The following FRMD4A variants were observed in gnomAD, a reference collection of about 807,000 sequenced individuals.
The protein encoded by FRMD4A is FERM domain containing 4A.
In FRMD4A, 29 loss-of-function variants were observed where a neutral mutation model predicts 129.1. That is an observed-to-expected ratio of 0.22 (90% CI 0.17 to 0.31). The LOEUF (loss-of-function observed/expected upper bound fraction) is 0.31. Ranked by LOEUF, FRMD4A falls within the 10% of genes least tolerant of loss-of-function variation. The pLI is 1.00. For synonymous variants in FRMD4A, 634 were observed against 571.6 expected (o/e 1.11, Z -1.56); for missense variants, 1,272 against 1,375.8 (o/e 0.92, Z 1.19).
chr10:13,721,652 A>G (rs2089421105), intron 12 of FRMD4A, among the ~76,000 whole-genome samples: 1 of 152,152 alleles, frequency 6.6e-6, no homozygotes, highest in South Asian at 2.1e-4. Flanking sequence ...GGGGGTCTCT[A>G]CAGAGGGCAA....
chr10:13,845,616 G>T (rs978533486), intron 3 of FRMD4A, among the ~76,000 whole-genome samples: 1 of 152,192 alleles, frequency 6.6e-6, no homozygotes, highest in Non-Finnish European at 1.5e-5. Flanking sequence ...CTACTAAGCA[G>T]TCTGGCCGAG....
intron 2 of FRMD4A, among the ~76,000 whole-genome samples, chr10:14,142,251 G>A (rs571295757): frequency 1.3e-4 from 20 of 151,984 alleles, no homozygotes; most frequent in Admixed American, 1.3e-4. Flanking sequence ...TTCAATACAT[G>A]TGCATCATTT....
chr10:13,763,077 T>C (rs2092140115), intron 6 of FRMD4A, among the ~76,000 whole-genome samples: 1 of 152,182 alleles, frequency 6.6e-6, no homozygotes, highest in Admixed American at 6.5e-5. Context: ...GACCACACCC[T>C]GAATTATTCA....
intron 11 of FRMD4A, among the ~76,000 whole-genome samples, chr10:13,739,119 G>A (rs2090837988): frequency 6.6e-6 from 1 of 152,162 alleles, no homozygotes; most frequent in Non-Finnish European, 1.5e-5. Context: ...ACTTGAAACT[G>A]GCATCACGGT....
intron 2 of FRMD4A, among the ~76,000 whole-genome samples, chr10:14,082,122 C>T (rs1835964806): frequency 6.6e-6 from 1 of 152,132 alleles, no homozygotes; most frequent in Non-Finnish European, 1.5e-5. Context: ...TGGCACGTGC[C>T]TGAACTCCCA....
chr10:13,665,945 C>A (rs537963097), intron 18 of FRMD4A, 152 bp downstream of exon 18: 34 of 632,158 alleles, frequency 5.4e-5, no homozygotes, highest in African/African-American at 4.4e-4. Context: ...TGGGATCAGG[C>A]CTTACTCGCT....
chr10:14,222,980 C>T (rs1249967755), intron 2 of FRMD4A, among the ~76,000 whole-genome samples: 1 of 152,172 alleles, frequency 6.6e-6, no homozygotes, highest in East Asian at 1.9e-4. Flanking sequence ...CCCAGCTACT[C>T]TGGAGACTGA....
chr10:14,035,429 CAA>C (rs11289297), intron 2 of FRMD4A, among the ~76,000 whole-genome samples: 6 of 127,024 alleles, frequency 4.7e-5, no homozygotes, highest in South Asian at 4.8e-4. Context: ...AACAAATAAA[CAA>C]AAAAAAAAAA....
chr10:14,154,626 A>T (rs1479778147), intron 2 of FRMD4A, among the ~76,000 whole-genome samples: 1 of 152,258 alleles, frequency 6.6e-6, no homozygotes, highest in African/African-American at 2.4e-5. Flanking sequence ...AACAACGTTC[A>T]AATTTATTGC....
chr10:13,889,938 C>T (rs775466075), intron 2 of FRMD4A, among the ~76,000 whole-genome samples: 4 of 152,298 alleles, frequency 2.6e-5, no homozygotes, highest in South Asian at 4.2e-4. Context: ...TTTAACTTCT[C>T]AGGACCAAGT....
At chr10:13,929,191 T>A (rs1374127043) in intron 2 of FRMD4A, among the ~76,000 whole-genome samples, 3 of 152,212 alleles carry the variant, frequency 2.0e-5, no homozygotes, top group Non-Finnish European at 1.5e-5. Flanking sequence ...AAAATGTAAA[T>A]TTTCCATAAT....
chr10:13,678,297 C>G (rs1321011091), intron 15 of FRMD4A, among the ~76,000 whole-genome samples: 1 of 152,150 alleles, frequency 6.6e-6, no homozygotes, highest in Non-Finnish European at 1.5e-5. Context: ...TGCCATTAGC[C>G]TGGGAGTTAC....
intron 2 of FRMD4A, among the ~76,000 whole-genome samples, chr10:14,157,468 G>A (rs1350395147): frequency 6.6e-6 from 1 of 152,148 alleles, no homozygotes; most frequent in Non-Finnish European, 1.5e-5. Flanking sequence ...TTGAGCCTTC[G>A]GCAAGCAATT....
chr10:13,726,618 C>T (rs981658673), intron 12 of FRMD4A, among the ~76,000 whole-genome samples: 4 of 152,126 alleles, frequency 2.6e-5, no homozygotes, highest in African/African-American at 7.2e-5. Context: ...AAGTCTCAGG[C>T]GGGGATCCTT....
At chr10:14,008,069 G>C in intron 2 of FRMD4A, 1 of 1,303,508 alleles carries the variant, frequency 7.7e-7, no homozygotes, top group Non-Finnish European at 1.0e-6. Flanking sequence ...CCCTTTCAAC[G>C]CTGCGCCTTC....
intron 2 of FRMD4A, among the ~76,000 whole-genome samples, chr10:13,924,955 T>C (rs2095113866): frequency 6.7e-6 from 1 of 149,632 alleles, no homozygotes; most frequent in African/African-American, 2.5e-5. Flanking sequence ...TCCCAGCTGC[T>C]CAGGAGGCTG....
chr10:14,031,724 A>T (rs1833254402), intron 2 of FRMD4A, among the ~76,000 whole-genome samples: 1 of 152,152 alleles, frequency 6.6e-6, no homozygotes, highest in Non-Finnish European at 1.5e-5. Context: ...GAGCTATGTG[A>T]CGACTACTAC....
At chr10:13,961,348 C>T (rs1176033025) in intron 2 of FRMD4A, among the ~76,000 whole-genome samples, 1 of 152,184 alleles carries the variant, frequency 6.6e-6, no homozygotes, top group Non-Finnish European at 1.5e-5. Context: ...AAGAAAATTT[C>T]CATCTGAGGC....
intron 2 of FRMD4A, among the ~76,000 whole-genome samples, chr10:13,943,449 A>T (rs530702740): frequency 7.2e-5 from 11 of 152,008 alleles, no homozygotes; most frequent in African/African-American, 2.7e-4. Flanking sequence ...AGAGATCTAG[A>T]CCAGCCTGGC....
Sources: allele counts gnomAD v4.1 joint callset (sites outside exome capture counted in the v4.1 genomes callset), GRCh38; gene constraint gnomAD v4.1.1; transcripts MANE v1.5; gene names NCBI Gene and HGNC (gene_info 2026-07-23, HGNC 2026-07-21).